Variants in THRB observed in about 807,000 individuals in gnomAD.
THRB encodes nuclear receptor subfamily 1 group A member 2.
THRB carries 12 observed loss-of-function variants against 47.8 expected under a neutral mutation model. That is an observed-to-expected ratio of 0.25 (90% CI 0.16 to 0.41). The LOEUF is 0.41. THRB is among the 10% of genes least tolerant of loss of function. The pLI, the probability that THRB is intolerant of heterozygous loss-of-function variation, is 1.00. For synonymous variants in THRB, 218 were observed against 212.2 expected, an observed-to-expected ratio of 1.03 and a Z score of -0.24; for missense variants, 348 against 589.2, an observed-to-expected ratio of 0.59 and a Z score of 4.24.
intron 10 of THRB, among the ~76,000 whole-genome samples, chr3:24,124,364 T>C (rs995883811): frequency 3.0e-4 from 45 of 152,324 alleles, no homozygotes; most frequent in African/African-American, 1.1e-3. Flanking sequence ...CTTTCCCCTA[T>C]CTTCTCTCTT....
chr3:24,319,483 T>A (rs932547569), intron 2 of THRB, among the ~76,000 whole-genome samples: 5 of 152,236 alleles, frequency 3.3e-5, no homozygotes, highest in African/African-American at 1.2e-4. Context: ...ATATGTATTA[T>A]GTAATATGTA....
At chr3:24,354,229 A>G (rs2063531238) in intron 1 of THRB, among the ~76,000 whole-genome samples, 1 of 152,138 alleles carries the variant, frequency 6.6e-6, no homozygotes, top group Non-Finnish European at 1.5e-5. Context: ...TTTTGGGTGG[A>G]GGATAGGAGG....
At chr3:24,256,936 T>C (rs998372975) in intron 3 of THRB, among the ~76,000 whole-genome samples, 37 of 152,194 alleles carry the variant, frequency 2.4e-4, no homozygotes, top group African/African-American at 8.9e-4. Flanking sequence ...TCTGAATTCA[T>C]AGTAGCACAA....
At chr3:24,224,378 T>C (rs1173271685) in intron 4 of THRB, among the ~76,000 whole-genome samples, 1 of 152,228 alleles carries the variant, frequency 6.6e-6, no homozygotes, top group African/African-American at 2.4e-5. Flanking sequence ...AGCGTGTTTA[T>C]TGACAGCAGG....
chr3:24,136,860 C>G (rs755722004), intron 8 of THRB, among the ~76,000 whole-genome samples: 2 of 152,240 alleles, frequency 1.3e-5, no homozygotes, highest in Non-Finnish European at 2.9e-5. Context: ...GTCTCCCCTA[C>G]AGCTTGCCTT....
At chr3:24,209,867 T>C (rs1020360191) in intron 4 of THRB, among the ~76,000 whole-genome samples, 2 of 152,120 alleles carry the variant, frequency 1.3e-5, no homozygotes, top group Admixed American at 6.5e-5. Context: ...CAGCTTAAGA[T>C]ACAAACATTT....
intron 3 of THRB, among the ~76,000 whole-genome samples, chr3:24,249,526 C>G (rs2050442959): frequency 1.3e-5 from 2 of 152,150 alleles, no homozygotes; most frequent in African/African-American, 4.8e-5. Flanking sequence ...CTGGATCACT[C>G]TGGCAAGGGC....
intron 1 of THRB, among the ~76,000 whole-genome samples, chr3:24,468,757 A>C (rs1377150822): frequency 2.6e-5 from 4 of 152,220 alleles, no homozygotes; most frequent in African/African-American, 9.6e-5. Context: ...ATACAATAAG[A>C]ATTTAAACAT....
At chr3:24,302,600 C>T (rs2057024355) in intron 2 of THRB, among the ~76,000 whole-genome samples, 1 of 152,196 alleles carries the variant, frequency 6.6e-6, no homozygotes, top group African/African-American at 2.4e-5. Flanking sequence ...CCTCAAGTTT[C>T]TGCTCAAATG....
At chr3:24,483,537 A>T (rs1163972367) in intron 1 of THRB, among the ~76,000 whole-genome samples, 2 of 151,972 alleles carry the variant, frequency 1.3e-5, no homozygotes, top group Non-Finnish European at 2.9e-5. Flanking sequence ...GCTGATAATG[A>T]TATGAGGATT....
chr3:24,455,328 C>G (rs1310860985), intron 1 of THRB: 1 of 151,742 alleles, frequency 6.6e-6, no homozygotes, highest in Non-Finnish European at 1.5e-5. Context: ...CTTTTCCACT[C>G]CTAGATAATA....
chr3:24,361,499 A>G lies in THRB; in HGVS notation c.-260-24128T>C, dbSNP rs1308866889. 4.6e-5 allele frequency among the ~76,000 whole-genome samples: 7 copies of G among 152,148 alleles called. No individual in the cohort carries two copies. In the East Asian group the frequency reaches 1.4e-3, roughly 29 times the overall value. On this transcript the variant is annotated intron_variant, in intron 1 of 10. Transcript: ENST00000646209. ...GTCCCAAAAAGAGGGGGCAGGAGGC[A>G]TTTGGAAATTCTGGGAAGAAAGATA... is the stretch of plus-strand genomic sequence containing the variant.
chr3:24,452,327 G>T (rs2072742212), intron 1 of THRB, among the ~76,000 whole-genome samples: 2 of 152,068 alleles, frequency 1.3e-5, no homozygotes, highest in Admixed American at 6.5e-5. Flanking sequence ...GGTGCCCAAG[G>T]TGCGTGCCTA....
At chr3:24,319,556 T>A (rs1311785258) in intron 2 of THRB, among the ~76,000 whole-genome samples, 1 of 152,160 alleles carries the variant, frequency 6.6e-6, no homozygotes, top group African/African-American at 2.4e-5. Flanking sequence ...AAAGTGGTAA[T>A]CCTGGTATGG....
chr3:24,470,913 G>A (rs529241291), intron 1 of THRB, among the ~76,000 whole-genome samples: 9 of 152,296 alleles, frequency 5.9e-5, no homozygotes, highest in Non-Finnish European at 8.8e-5. Context: ...CATCACACCC[G>A]GCCAAGACTT....
intron 3 of THRB, among the ~76,000 whole-genome samples, chr3:24,255,026 G>C (rs751310226): frequency 6.6e-6 from 1 of 152,190 alleles, no homozygotes; most frequent in Non-Finnish European, 1.5e-5. Flanking sequence ...CATAGAAATA[G>C]AGTGTCCTTG....
At chr3:24,210,299 A>C (rs2045884652) in intron 4 of THRB, among the ~76,000 whole-genome samples, 1 of 152,158 alleles carries the variant, frequency 6.6e-6, no homozygotes, top group Admixed American at 6.5e-5. Context: ...GAAAAATTCC[A>C]TACCTGCATG....
At chr3:24,360,039 T>C (rs1268003942) in intron 1 of THRB, among the ~76,000 whole-genome samples, 2 of 152,218 alleles carry the variant, frequency 1.3e-5, no homozygotes, top group Non-Finnish European at 2.9e-5. Flanking sequence ...TTCTTTCTAT[T>C]AATCCAAGGC....
intron 1 of THRB, among the ~76,000 whole-genome samples, chr3:24,403,367 A>G (rs2067573558): frequency 6.6e-6 from 1 of 152,044 alleles, no homozygotes; most frequent in Admixed American, 6.6e-5. Flanking sequence ...AATTTTATTA[A>G]CAAACAATTT....
Sources: allele counts gnomAD v4.1 joint callset (sites outside exome capture counted in the v4.1 genomes callset), GRCh38; gene constraint gnomAD v4.1.1; transcripts MANE v1.5; gene names NCBI Gene and HGNC (gene_info 2026-07-23, HGNC 2026-07-21).